Variants in PIK3R3 observed in about 807,000 individuals in gnomAD.
The protein encoded by PIK3R3 is phosphoinositide-3-kinase regulatory subunit 3.
Under a neutral mutation model 62.9 loss-of-function variants are expected in PIK3R3, and 64 were observed. The observed-to-expected ratio is 1.02, with a 90% CI of 0.83 to 1.25. The LOEUF (loss-of-function observed/expected upper bound fraction) is 1.25. Ranked by LOEUF, PIK3R3 falls within the 50% of genes most tolerant of loss-of-function variation. The pLI, the probability that PIK3R3 is intolerant of heterozygous loss-of-function variation, is 0.00. For synonymous variants in PIK3R3, 165 were observed against 189.0 expected, an observed-to-expected ratio of 0.87 and a Z score of 1.04; for missense variants, 614 against 561.6, an observed-to-expected ratio of 1.09 and a Z score of -0.94.
At chr1:46,138,672 G>A in the PIK3R3 span, among the ~76,000 whole-genome samples, 1 of 152,202 alleles carries the variant, frequency 6.6e-6, no homozygotes, top group Non-Finnish European at 1.5e-5. Context: ...ACAAAGTCCT[G>A]CAGCCTCCCC....
chr1:46,084,035 C>T lies in PIK3R3; in HGVS notation c.107-3285G>A, dbSNP rs186144627. Among the ~76,000 whole-genome samples the T allele has an allele frequency of 1.8e-3, 267 of 152,042 alleles. 1 individual carries two copies. The highest frequency in any genetic ancestry group is 6.8e-3 in the Middle Eastern group (2 of 294). Reference sequence around the variant, plus strand: ...AACAACCCAAATATCTATCAACAGACGAATAGATAAATAAAATGAGGTATA... The same window carrying T: ...AACAACCCAAATATCTATCAACAGATGAATAGATAAATAAAATGAGGTATA... On this transcript the variant is annotated intron_variant, in intron 1 of 9. Coordinates refer to ENST00000262741, the MANE Select transcript of PIK3R3 (RefSeq NM_003629.4).
At chr1:46,080,535 AT>A in intron 2 of PIK3R3, 106 bp downstream of exon 2, 1 of 745,988 alleles carries the variant, frequency 1.3e-6, no homozygotes, top group Admixed American at 2.0e-5. Context: ...TGCTGGGATT[AT>A]AGGCATGAGC....
chr1:46,141,504 C>T, the PIK3R3 span, among the ~76,000 whole-genome samples: 2 of 151,956 alleles, frequency 1.3e-5, no homozygotes, highest in East Asian at 1.9e-4. Context: ...CTCCTGACCT[C>T]AGGGGATCCA....
At chr1:46,109,682 C>A (rs746883931) in intron 1 of PIK3R3, among the ~76,000 whole-genome samples, 16 of 152,076 alleles carry the variant, frequency 1.1e-4, no homozygotes, top group Non-Finnish European at 2.4e-4. Context: ...GATGTGTTCA[C>A]CATATTGGCC....
chr1:46,109,856 T>C (rs74072305), intron 1 of PIK3R3, among the ~76,000 whole-genome samples: 85 of 152,312 alleles, frequency 5.6e-4, no homozygotes, highest in African/African-American at 2.0e-3. Flanking sequence ...TAGCACACTA[T>C]GTTTCAAGAG....
intron 5 of PIK3R3, among the ~76,000 whole-genome samples, chr1:46,064,473 G>A (rs774313376): frequency 3.9e-5 from 6 of 152,012 alleles, no homozygotes; most frequent in Non-Finnish European, 5.9e-5. Flanking sequence ...CCCGGGAGGC[G>A]GAGGTTGCAG....
At chr1:46,126,270 G>A (rs1009722249) in intron 1 of PIK3R3, among the ~76,000 whole-genome samples, 11 of 150,778 alleles carry the variant, frequency 7.3e-5, no homozygotes, top group African/African-American at 2.7e-4. Context: ...AGGCATGGTG[G>A]CTCACACCTA....
chr1:46,088,588 AG>A (rs1172345720), intron 1 of PIK3R3, among the ~76,000 whole-genome samples: 3 of 152,180 alleles, frequency 2.0e-5, no homozygotes, highest in African/African-American at 4.8e-5. Flanking sequence ...GAAATCTCCC[AG>A]GAAGTGGAAC....
chr1:46,155,348 A>AC, the PIK3R3 span, among the ~76,000 whole-genome samples: 11 of 151,766 alleles, frequency 7.2e-5, no homozygotes, highest in African/African-American at 2.4e-4. Flanking sequence ...AAAAAAAAAA[A>AC]CAAAAAACAG....
chr1:46,173,106 A>C, the PIK3R3 span, among the ~76,000 whole-genome samples: 2 of 152,188 alleles, frequency 1.3e-5, no homozygotes. Context: ...AGCACAGCCT[A>C]GGGTGTGAGA....
intron 7 of PIK3R3, among the ~76,000 whole-genome samples, chr1:46,051,697 A>T (rs1647363476): frequency 6.6e-6 from 1 of 152,142 alleles, no homozygotes; most frequent in East Asian, 1.9e-4. Context: ...TATTATTTTA[A>T]ATTTATGAAT....
chr1:46,077,616 G>A lies in PIK3R3; in HGVS notation c.216-3C>T. 6.3e-7 allele frequency: 1 copy of A among 1,577,670 alleles called. No homozygotes were observed. Among genetic ancestry groups the A allele is most frequent in the Non-Finnish European group, 8.7e-7 (1 of 1,147,080 alleles). ...GCAATTTGTCATTTACCTCCTCCCT[G>A]AAGAACAGAATTATAAGAAAAATGA... On this transcript the variant is annotated splice_region_variant and splice_polypyrimidine_tract_variant and intron_variant, in intron 2 of 9. Transcript: ENST00000262741.
At chr1:46,156,977 T>G in the PIK3R3 span, among the ~76,000 whole-genome samples, 1 of 152,214 alleles carries the variant, frequency 6.6e-6, no homozygotes, top group African/African-American at 2.4e-5. Flanking sequence ...CTCCAAAGTC[T>G]GCCCACAGGA....
chr1:46,073,257 T>C (rs763427455), intron 3 of PIK3R3, among the ~76,000 whole-genome samples: 7 of 152,178 alleles, frequency 4.6e-5, no homozygotes, highest in Non-Finnish European at 1.0e-4. Flanking sequence ...AATGAGTCCC[T>C]TCACTTGGCC....
At chr1:46,066,494 T>A (rs549639102) in intron 4 of PIK3R3, among the ~76,000 whole-genome samples, 1 of 152,194 alleles carries the variant, frequency 6.6e-6, no homozygotes, top group African/African-American at 2.4e-5. Context: ...TACAGAAGGG[T>A]AGCCACAAAA....
At chr1:46,136,013 G>A (rs1655915118), upstream of PIK3R3, among the ~76,000 whole-genome samples, 1 of 146,222 alleles carries the variant, frequency 6.8e-6, no homozygotes. Flanking sequence ...CTGGACAACA[G>A]GGCGAGACTC....
At chr1:46,163,182 C>T in the PIK3R3 span, among the ~76,000 whole-genome samples, 4 of 152,204 alleles carry the variant, frequency 2.6e-5, no homozygotes, top group African/African-American at 9.7e-5. Flanking sequence ...CCTCAATTAT[C>T]CACAGAAAGT....
intron 1 of PIK3R3, among the ~76,000 whole-genome samples, chr1:46,124,551 C>T (rs948928333): frequency 6.6e-6 from 1 of 152,080 alleles, no homozygotes; most frequent in African/African-American, 2.4e-5. Flanking sequence ...AATCCCAGCA[C>T]TTTGGGAGGC....
intron 1 of PIK3R3, among the ~76,000 whole-genome samples, chr1:46,118,885 T>C (rs1654423301): frequency 6.6e-6 from 1 of 152,012 alleles, no homozygotes; most frequent in Non-Finnish European, 1.5e-5. Flanking sequence ...TTTCCCCTCA[T>C]TCCATTCTAG....
Sources: gnomAD v4.1 joint callset for allele counts (sites outside exome capture counted in the v4.1 genomes callset) on GRCh38, gnomAD v4.1.1 for gene constraint, MANE v1.5 for transcripts, NCBI Gene and HGNC (gene_info 2026-07-23, HGNC 2026-07-21) for gene names.